Variants in SP100 observed in about 807,000 individuals in gnomAD.
SP100 encodes the protein SP100 nuclear body protein, also known as nuclear autoantigen Sp-100.
In SP100, 84 loss-of-function variants were observed where a neutral mutation model predicts 130.0. The observed-to-expected ratio is 0.65, with a 90% CI of 0.54 to 0.77. The LOEUF is 0.77. Among genes scored for constraint, SP100 ranks in the 30% least tolerant of loss-of-function variants. SP100 has a pLI of 0.00. For synonymous variants in SP100, 331 were observed against 351.7 expected, an observed-to-expected ratio of 0.94 and a Z score of 0.66; for missense variants, 978 against 1,052.2, an observed-to-expected ratio of 0.93 and a Z score of 0.97.
intron 19 of SP100, among the ~76,000 whole-genome samples, chr2:230,501,588 C>G (rs36144939): frequency 0.18 from 26,717 of 152,116 alleles, 2,749 homozygotes; most frequent in Middle Eastern, 0.3. Context: ...TTGAAGGAAA[C>G]ATGCCTTTCC....
chr2:230,503,449 T>C (rs1240444483), intron 20 of SP100, among the ~76,000 whole-genome samples: 1 of 152,252 alleles, frequency 6.6e-6, no homozygotes, highest in South Asian at 2.1e-4. Flanking sequence ...TATCCATCAC[T>C]TTAAATATTT....
chr2:230,499,139 G>C (rs1413549425), intron 19 of SP100, among the ~76,000 whole-genome samples: 6 of 152,046 alleles, frequency 3.9e-5, no homozygotes, highest in Non-Finnish European at 4.4e-5. Context: ...TGGAAGGGTT[G>C]GAACAGCAGC....
intron 17 of SP100, among the ~76,000 whole-genome samples, chr2:230,475,842 G>T (rs1336123132): frequency 3.3e-5 from 5 of 152,170 alleles, no homozygotes; most frequent in African/African-American, 9.7e-5. Context: ...AGATCAGATG[G>T]TTGTAAGTGA....
chr2:230,454,450 C>A (rs183278803), intron 8 of SP100, among the ~76,000 whole-genome samples: 1 of 152,024 alleles, frequency 6.6e-6, no homozygotes, highest in Admixed American at 6.6e-5. Context: ...CTTGTAACTG[C>A]TTTTGCTATA....
rs1559524692 is a variant in SP100, at chr2:230,504,226, A to T, written c.1806A>T (p.Gln602His). 6.2e-7 allele frequency: 1 copy of T among 1,613,140 alleles called. No homozygotes were observed. The highest frequency in any genetic ancestry group is 8.5e-7 in the Non-Finnish European group (1 of 1,179,302). ...IPKDENINFK[Q>H]SELPVTCGEV... ...AAGATGAAAATATTAATTTTAAACA[A>T]TCTGAACTTCCTGTGACCTGTGGTG... Residue 602 changes from glutamine (Q) to histidine (H), a missense_variant, in exon 21 of 29, where the codon CAA becomes CAT. Gln to His is a conservative substitution (Grantham distance 24, BLOSUM62 0). Transcript: ENST00000340126.
At chr2:230,427,166 T>TCTC (rs1387226261) in intron 2 of SP100, among the ~76,000 whole-genome samples, 1 of 152,000 alleles carries the variant, frequency 6.6e-6, no homozygotes, top group Non-Finnish European at 1.5e-5. Flanking sequence ...TCTCTCTCTC[T>TCTC]CTTTTTTTTT....
chr2:230,528,460 C>T (rs1430130387), intron 24 of SP100, among the ~76,000 whole-genome samples: 1 of 152,008 alleles, frequency 6.6e-6, no homozygotes, highest in East Asian at 1.9e-4. Context: ...CACTAAATGC[C>T]CACAAGAGAA....
chr2:230,503,708 G>C (rs570717603), intron 20 of SP100, among the ~76,000 whole-genome samples: 2 of 152,290 alleles, frequency 1.3e-5, no homozygotes, highest in Non-Finnish European at 2.9e-5. Context: ...AAGTGAAAAA[G>C]TGAAGCAAAG....
intron 24 of SP100, among the ~76,000 whole-genome samples, chr2:230,532,752 T>C (rs939865731): frequency 6.6e-6 from 1 of 152,212 alleles, no homozygotes; most frequent in African/African-American, 2.4e-5. Flanking sequence ...CATGGAAATG[T>C]GTGCTAGTGC....
chr2:230,491,379 C>T (rs2066382445), intron 17 of SP100, among the ~76,000 whole-genome samples: 1 of 152,200 alleles, frequency 6.6e-6, no homozygotes, highest in Non-Finnish European at 1.5e-5. Flanking sequence ...ATTGGAGTTC[C>T]TGCAGGGAAG....
At position 230,493,596 on chromosome 2, in the gene SP100, T is replaced by C. The variant is rs78743590; in HGVS notation, c.1601-820T>C. ...CTGTAATCTATGTCCTTCACTTTAA[T>C]TTCTGAAATGTCTAATCCCCTTTAT... On this transcript the variant is annotated intron_variant, in intron 17 of 28. Transcript: ENST00000340126. Among the ~76,000 whole-genome samples the C allele has an allele frequency of 8.6e-3, 1,310 of 152,054 alleles. 29 individuals carry two copies. The highest frequency in any genetic ancestry group is 0.03 in the African/African-American group (1,257 of 41,532).
rs1692265944 is a variant in SP100 at position 230,544,685 on chromosome 2, T to G, written c.*1739T>G. Among the ~76,000 whole-genome samples, 1 of 152,168 alleles carries G rather than the reference T, an allele frequency of 6.6e-6. No homozygotes were observed. Among genetic ancestry groups the G allele is most frequent in the African/African-American group, 2.4e-5 (1 of 41,432 alleles). On this transcript the variant is annotated 3_prime_UTR_variant, in exon 29 of 29. Coordinates refer to ENST00000340126, the MANE Select transcript of SP100 (RefSeq NM_001080391.2). ...TAGTAGAGACGGGGTTTCTCCACAT[T>G]GGTCAGGCTGGTCTTGAACTCCCGA...
intron 24 of SP100, among the ~76,000 whole-genome samples, chr2:230,523,035 A>T (rs150400675): frequency 7.2e-4 from 109 of 151,462 alleles, no homozygotes; most frequent in African/African-American, 2.5e-3. Context: ...GGCTGGTCTC[A>T]AACTCCCGAT....
chr2:230,466,498 G>A, intron 12 of SP100, 144 bp downstream of exon 12: 1 of 593,232 alleles, frequency 1.7e-6, no homozygotes, highest in Non-Finnish European at 3.0e-6. Context: ...AAATTTCAAT[G>A]GTTCCTATTT....
chr2:230,463,928 G>A (rs1039040977), intron 10 of SP100, 139 bp from the exon 11 acceptor site: 1 of 578,698 alleles, frequency 1.7e-6, no homozygotes, highest in Non-Finnish European at 3.2e-6. Flanking sequence ...TGAAAGGCAA[G>A]ACAAGCATGG....
intron 17 of SP100, among the ~76,000 whole-genome samples, chr2:230,487,235 A>G (rs2066151272): frequency 6.6e-6 from 1 of 152,196 alleles, no homozygotes; most frequent in Admixed American, 6.5e-5. Flanking sequence ...TTTTGTCATG[A>G]AGTCTTTGCC....
At chr2:230,505,360 C>A (rs2150070659) in intron 21 of SP100, among the ~76,000 whole-genome samples, 1 of 152,310 alleles carries the variant, frequency 6.6e-6, no homozygotes, top group Non-Finnish European at 1.5e-5. Flanking sequence ...TCAGCAGTAA[C>A]TTTCACGCCC....
chr2:230,460,961 G>A (rs950128934), intron 8 of SP100, among the ~76,000 whole-genome samples: 3 of 151,946 alleles, frequency 2.0e-5, no homozygotes, highest in Non-Finnish European at 4.4e-5. Flanking sequence ...TACTTCCTTC[G>A]TGATCATTCA....
chr2:230,522,476 CTTT>C (rs750389091), intron 24 of SP100, among the ~76,000 whole-genome samples: 4 of 82,138 alleles, frequency 4.9e-5, no homozygotes, highest in African/African-American at 1.5e-4. Context: ...CCCCAGTGTT[CTTT>C]TTTTTTTTTT....
Sources: allele counts gnomAD v4.1 joint callset (sites outside exome capture counted in the v4.1 genomes callset), GRCh38; gene constraint gnomAD v4.1.1; transcripts MANE v1.5; gene names NCBI Gene and HGNC (gene_info 2026-07-23, HGNC 2026-07-21).